The following WDR59 variants were observed in gnomAD, a reference collection of about 807,000 sequenced individuals.
The protein encoded by WDR59 is GATOR2 complex protein WDR59.
In WDR59, 100 loss-of-function variants were observed where a neutral mutation model predicts 131.2. The ratio of observed to expected loss-of-function variants is 0.76; its 90% CI spans 0.65 to 0.90. The LOEUF is 0.90. Among genes scored for constraint, WDR59 ranks in the 40% least tolerant of loss-of-function variants. The probability of loss-of-function intolerance (pLI) is 0.00; values close to 1 mark genes in which losing one functional copy is unlikely to be tolerated. For synonymous variants in WDR59, 601 were observed against 466.2 expected, an observed-to-expected ratio of 1.29 and a Z score of -3.72; for missense variants, 1,203 against 1,262.2, an observed-to-expected ratio of 0.95 and a Z score of 0.71.
chr16:74,931,897 A>C (rs1363324886), intron 8 of WDR59, among the ~76,000 whole-genome samples: 1 of 152,018 alleles, frequency 6.6e-6, no homozygotes, highest in African/African-American at 2.4e-5. Flanking sequence ...CAACTTAGCT[A>C]TTCCATTACA....
rs1338435320 is a variant in WDR59, at chr16:74,900,508, A to G, written c.1866+3439T>C. On this transcript the variant is annotated intron_variant, in intron 18 of 25. Coordinates refer to ENST00000262144, the MANE Select transcript of WDR59 (RefSeq NM_030581.4). Reference sequence around the variant, plus strand: ...AAAGCAAGAGTGGGAGGTTGCAACAATGTTTAAATGTATGCAAGGCAATAC... The same window carrying G: ...AAAGCAAGAGTGGGAGGTTGCAACAGTGTTTAAATGTATGCAAGGCAATAC... 2.0e-5 allele frequency among the ~76,000 whole-genome samples: 3 copies of G among 152,226 alleles called. No individual in the cohort carries two copies. The East Asian group carries it at 5.8e-4, about 29-fold the overall frequency.
intron 7 of WDR59, 136 bp downstream of exon 7, chr16:74,942,602 G>T: frequency 1.3e-6 from 1 of 755,330 alleles, no homozygotes. Context: ...CTGGTACTAT[G>T]AGCTTAAAAT....
At chr16:74,887,121 G>A (rs1472581746) in intron 23 of WDR59, among the ~76,000 whole-genome samples, 1 of 152,190 alleles carries the variant, frequency 6.6e-6, no homozygotes, top group African/African-American at 2.4e-5. Flanking sequence ...AATGTTAATG[G>A]ACGCTATTCC....
rs1264185967 is a variant in WDR59 at position 74,958,786 on chromosome 16, G to A, written c.105-2176C>T. Among the ~76,000 whole-genome samples, 5 of 151,934 alleles carry A rather than the reference G, an allele frequency of 3.3e-5. No homozygotes were observed. In the East Asian group the frequency reaches 9.7e-4, roughly 30 times the overall value. On this transcript the variant is annotated intron_variant, in intron 2 of 25. Coordinates refer to ENST00000262144, the MANE Select transcript of WDR59 (RefSeq NM_030581.4). Reference sequence around the variant, plus strand: ...GTTTGAAAGACCACTAAGGAGGCCGGGCACAGTGGCCCACGCCTATAATCC... The same window carrying A: ...GTTTGAAAGACCACTAAGGAGGCCGAGCACAGTGGCCCACGCCTATAATCC...
chr16:74,981,910 C>T (rs1336808796), intron 1 of WDR59, among the ~76,000 whole-genome samples: 1 of 134,596 alleles, frequency 7.4e-6, no homozygotes, highest in African/African-American at 2.7e-5. Flanking sequence ...CCTACCTCGG[C>T]CTCCCAAAGT....
At chr16:74,961,675 G>A (rs1436602703) in intron 2 of WDR59, among the ~76,000 whole-genome samples, 3 of 152,142 alleles carry the variant, frequency 2.0e-5, no homozygotes, top group African/African-American at 7.2e-5. Context: ...ATTCCTTGTA[G>A]ATTCTGGATA....
At chr16:74,890,879 G>A (rs1965008172) in intron 20 of WDR59, among the ~76,000 whole-genome samples, 1 of 152,128 alleles carries the variant, frequency 6.6e-6, no homozygotes, top group Non-Finnish European at 1.5e-5. Context: ...ACTTTGGGAG[G>A]CTGAGGTGGG....
chr16:74,916,037 A>T (rs767699298), intron 12 of WDR59, 43 bp from the exon 13 acceptor site: 9 of 1,613,956 alleles, frequency 5.6e-6, no homozygotes, highest in Non-Finnish European at 7.6e-6. Context: ...CATTTTTGAA[A>T]ATGAAACAGA....
intron 2 of WDR59, among the ~76,000 whole-genome samples, chr16:74,964,624 T>C (rs1051842412): frequency 6.6e-6 from 1 of 152,054 alleles, no homozygotes; most frequent in Non-Finnish European, 1.5e-5. Flanking sequence ...ATGAAGCTGA[T>C]AGAAAAGAAA....
rs887508362 is a variant in WDR59, at chr16:74,956,528, C to A, written c.187G>T (p.Gly63Ter). ...TCATGAGGATTCCACTGCACAGCTC[C>A]AATGTCCCATTTGCTCTGGCGAGAG... ...KISRQSKWDI[G>*]AVQWNPHDSF... is the part of the protein sequence containing the mutation. Residue 63 changes from glycine (G) to a stop codon, truncating the protein, a stop_gained, in exon 3 of 26, where the codon GGA (glycine) becomes TGA (stop). Transcript: ENST00000262144. LOFTEE classifies it high-confidence loss of function. 1 of 1,614,090 alleles carries A rather than the reference C, an allele frequency of 6.2e-7. No individual in the cohort carries two copies. Among genetic ancestry groups the A allele is most frequent in the Non-Finnish European group, 8.5e-7 (1 of 1,180,020 alleles).
chr16:74,958,514 A>C (rs2033401684), intron 2 of WDR59, among the ~76,000 whole-genome samples: 1 of 141,102 alleles, frequency 7.1e-6, no homozygotes, highest in Admixed American at 7.5e-5. Context: ...AATTGCTTGA[A>C]CCTGGGAGGC....
intron 1 of WDR59, among the ~76,000 whole-genome samples, chr16:74,976,511 T>C (rs930208577): frequency 6.6e-6 from 1 of 151,884 alleles, no homozygotes; most frequent in Non-Finnish European, 1.5e-5. Flanking sequence ...GGCGCAATCT[T>C]GGCTCCCTGA....
At chr16:74,884,565 C>T (rs1218874309) in intron 25 of WDR59, among the ~76,000 whole-genome samples, 1 of 152,178 alleles carries the variant, frequency 6.6e-6, no homozygotes, top group African/African-American at 2.4e-5. Context: ...CCAGGCTGGT[C>T]TCAAACCCCT....
At chr16:74,878,551 TAGG>T (rs1964327101) in intron 25 of WDR59, among the ~76,000 whole-genome samples, 1 of 151,054 alleles carries the variant, frequency 6.6e-6, no homozygotes, top group Non-Finnish European at 1.5e-5. Context: ...AAGGCTGAGG[TAGG>T]AGAACTGCTT....
intron 14 of WDR59, 119 bp downstream of exon 14, chr16:74,912,079 T>C (rs1206514571): frequency 2.3e-6 from 3 of 1,332,684 alleles, no homozygotes; most frequent in South Asian, 2.6e-5. Flanking sequence ...CTAATACTAG[T>C]GTGTGTACGA....
intron 7 of WDR59, among the ~76,000 whole-genome samples, chr16:74,940,607 C>T (rs1042716633): frequency 1.3e-5 from 2 of 152,168 alleles, no homozygotes; most frequent in South Asian, 4.1e-4. Context: ...GCCATCAGTG[C>T]TGCTTTGACA....
At chr16:74,907,267 G>C (rs920030323) in intron 17 of WDR59, among the ~76,000 whole-genome samples, 11 of 152,106 alleles carry the variant, frequency 7.2e-5, no homozygotes, top group Non-Finnish European at 1.5e-4. Flanking sequence ...ATATGGTTAG[G>C]CTTTGTGTCC....
chr16:74,894,740 G>C (rs1965208685), intron 18 of WDR59, among the ~76,000 whole-genome samples: 1 of 152,184 alleles, frequency 6.6e-6, no homozygotes, highest in South Asian at 2.1e-4. Flanking sequence ...ACATGTACTG[G>C]CTCAGCAGGA....
At chr16:74,970,691 C>T (rs1423436439) in intron 1 of WDR59, among the ~76,000 whole-genome samples, 4 of 151,970 alleles carry the variant, frequency 2.6e-5, no homozygotes, top group Admixed American at 2.6e-4. Context: ...TGGTCTATTT[C>T]ATTTCTCCCA....
Sources: allele counts gnomAD v4.1 joint callset (sites outside exome capture counted in the v4.1 genomes callset), GRCh38; gene constraint gnomAD v4.1.1; transcripts MANE v1.5; gene names NCBI Gene and HGNC (gene_info 2026-07-23, HGNC 2026-07-21).